Variants in SV2C observed in about 807,000 individuals in gnomAD.
SV2C encodes synaptic vesicle glycoprotein 2C, also known as solute carrier family 22 member B3.
Under a neutral mutation model 79.7 loss-of-function variants are expected in SV2C, and 49 were observed. That is an observed-to-expected ratio of 0.61 (90% CI 0.49 to 0.78). The LOEUF is 0.78. Ranked by LOEUF, SV2C falls within the 30% of genes least tolerant of loss-of-function variation. The pLI, the probability that SV2C is intolerant of heterozygous loss-of-function variation, is 0.00. For synonymous variants in SV2C, 334 were observed against 333.2 expected (o/e 1.00, Z -0.03); for missense variants, 833 against 912.9 (o/e 0.91, Z 1.13).
At chr5:76,075,316 C>T in the SV2C span, among the ~76,000 whole-genome samples, 1 of 152,154 alleles carries the variant, frequency 6.6e-6, no homozygotes, top group Non-Finnish European at 1.5e-5. Flanking sequence ...ATCTTCCCTG[C>T]AAATGTCATT....
At chr5:76,136,483 T>G (rs1302983130) in intron 2 of SV2C, among the ~76,000 whole-genome samples, 1 of 152,172 alleles carries the variant, frequency 6.6e-6, no homozygotes, top group Non-Finnish European at 1.5e-5. Flanking sequence ...TTTTTTTTGT[T>G]GTTACAATGT....
Position 76,325,703 on chromosome 5 carries a change from TG to T in SV2C, c.*157del. 7.6e-6 allele frequency: 8 copies of T among 1,057,410 alleles called. No individual in the cohort carries two copies. The highest frequency in any genetic ancestry group is 9.2e-6 in the Non-Finnish European group (7 of 759,236). 65.5% of individuals were successfully genotyped at this position (1,057,410 alleles called of 1,614,324 possible). A position where few individuals can be genotyped will look rare whatever the true frequency, so the allele number is the denominator to read the frequency against. ...CTTAAAATTTAGAAGCATATCATCTTGCCCCTTTGTGATTTTGCACAGGTTG... is the reference window on the plus strand; with the variant it reads ...CTTAAAATTTAGAAGCATATCATCTTCCCCTTTGTGATTTTGCACAGGTTG... On this transcript the variant is annotated 3_prime_UTR_variant, in exon 13 of 13. Coordinates refer to ENST00000502798, the MANE Select transcript of SV2C (RefSeq NM_014979.4).
At chr5:75,991,662 C>T in the SV2C span, among the ~76,000 whole-genome samples, 14 of 148,892 alleles carry the variant, frequency 9.4e-5, no homozygotes, top group Non-Finnish European at 5.9e-5. Context: ...GCAAAACCAT[C>T]AGATATATAT....
In SV2C at chr5:76,298,821, A is replaced by G. The variant is rs780011739; in HGVS notation, c.1530A>G (p.Val510=). The G allele has an allele frequency of 1.2e-5, 19 of 1,613,948 alleles. No homozygotes were observed. Among genetic ancestry groups the G allele is most frequent in the African/African-American group, 1.3e-5 (1 of 75,038 alleles). The change falls in exon 10 of 13, where the codon GTA becomes GTG. Residue 510 remains valine (V), a synonymous_variant. Coordinates refer to ENST00000502798, the MANE Select transcript of SV2C (RefSeq NM_014979.4). ...TCATAGGGGTCAAGTTCAAATCTGT[A>G]ACTTTCAAAGACTCTGTTTTTAAGT... is the stretch of plus-strand genomic sequence containing the variant. The part of the protein sequence containing the change: ...GRFIGVKFKS[V]TFKDSVFKSC...
At chr5:76,035,040 G>A in the SV2C span, among the ~76,000 whole-genome samples, 2 of 152,152 alleles carry the variant, frequency 1.3e-5, no homozygotes, top group Non-Finnish European at 2.9e-5. Flanking sequence ...TTGCGTAGAG[G>A]TGTTTGTAGT....
At chr5:76,095,018 C>T (rs142437563) in intron 1 of SV2C, among the ~76,000 whole-genome samples, 70 of 151,794 alleles carry the variant, frequency 4.6e-4, no homozygotes, top group Admixed American at 1.8e-3. Flanking sequence ...AAAATCTCAC[C>T]AAAAAGCCCA....
At chr5:76,291,661 T>A in intron 7 of SV2C, 107 bp from the exon 8 acceptor site, 1 of 745,894 alleles carries the variant, frequency 1.3e-6, no homozygotes, top group African/African-American at 1.8e-5. Flanking sequence ...GTGAAATGAA[T>A]CCAACCCAAT....
At chr5:76,001,173 G>C in the SV2C span, among the ~76,000 whole-genome samples, 1 of 152,156 alleles carries the variant, frequency 6.6e-6, no homozygotes. Context: ...GCTTGCTGGG[G>C]CCATAAGAAG....
At chr5:76,076,554 A>AT in the SV2C span, among the ~76,000 whole-genome samples, 816 of 151,290 alleles carry the variant, frequency 5.4e-3, 8 homozygotes, top group African/African-American at 0.018. Flanking sequence ...TATTTATGTG[A>AT]TTTTTTTTTG....
In SV2C at chr5:76,321,088, G is replaced by A. The variant is rs567770231; in HGVS notation, c.2001-4276G>A. 2.6e-5 allele frequency among the ~76,000 whole-genome samples: 4 copies of A among 152,292 alleles called. No homozygotes were observed. In the East Asian group the frequency reaches 7.7e-4, roughly 29 times the overall value. The stretch of plus-strand genomic sequence containing the variant: ...TTCCTTTCCCATGGTGCAGAAAGGA[G>A]GATGGTTGGATAATAACCACAATAA... On this transcript the variant is annotated intron_variant, in intron 12 of 12. Coordinates refer to ENST00000502798, the MANE Select transcript of SV2C (RefSeq NM_014979.4).
the SV2C span, among the ~76,000 whole-genome samples, chr5:76,074,837 A>G: frequency 2.6e-5 from 4 of 152,224 alleles, no homozygotes; most frequent in Non-Finnish European, 4.4e-5. Flanking sequence ...TAACTGTGCT[A>G]GAACCTTGGA....
intron 1 of SV2C, among the ~76,000 whole-genome samples, chr5:76,107,199 A>G (rs113581302): frequency 1.0e-3 from 158 of 152,372 alleles, no homozygotes; most frequent in African/African-American, 3.4e-3. Flanking sequence ...GGTGATTAAC[A>G]ACAAGTCAAA....
At chr5:76,339,185 C>T (rs954064174) in intron 12 of SV2C, among the ~76,000 whole-genome samples, 3 of 152,098 alleles carry the variant, frequency 2.0e-5, no homozygotes, top group African/African-American at 7.2e-5. Flanking sequence ...ACAATTTACG[C>T]ATTTTAAAAA....
At chr5:75,908,218 C>T in the SV2C span, among the ~76,000 whole-genome samples, 2 of 152,230 alleles carry the variant, frequency 1.3e-5, no homozygotes, top group African/African-American at 4.8e-5. Flanking sequence ...TAGGTGACAC[C>T]AATCTGCTTT....
chr5:75,967,058 G>A, the SV2C span, among the ~76,000 whole-genome samples: 2 of 152,094 alleles, frequency 1.3e-5, no homozygotes, highest in Non-Finnish European at 2.9e-5. Context: ...TTCGGGCCAG[G>A]CACAATTGCT....
chr5:76,071,765 G>A, the SV2C span, among the ~76,000 whole-genome samples: 1 of 152,230 alleles, frequency 6.6e-6, no homozygotes, highest in Non-Finnish European at 1.5e-5. Flanking sequence ...TAGAAAAGCT[G>A]AGTGTTAGAA....
rs1375893134 is a variant in SV2C, at chr5:76,174,299, C to T, written c.581-20620C>T. ...TCGCTACTCTAGGCGCCACGGCGGT[C>T]CTGCCGCTGCCGCGCCGCTCCGGCT... On this transcript the variant is annotated intron_variant, in intron 2 of 12. Coordinates refer to ENST00000502798, the MANE Select transcript of SV2C (RefSeq NM_014979.4). 32 of 961,076 alleles carry T rather than the reference C, an allele frequency of 3.3e-5. No homozygotes were observed. The Admixed American group carries it at 6.8e-4, about 20-fold the overall frequency. 59.5% of individuals were successfully genotyped at this position (961,076 alleles called of 1,614,324 possible).
At chr5:76,136,862 G>A (rs1422653505) in intron 2 of SV2C, among the ~76,000 whole-genome samples, 3 of 152,312 alleles carry the variant, frequency 2.0e-5, no homozygotes, top group East Asian at 3.9e-4. Flanking sequence ...TCTGTGGTAG[G>A]CGTAGTAGTG....
chr5:75,952,247 TTTCCTTCCTTCCTTCCTTCCTTCC>T, the SV2C span, among the ~76,000 whole-genome samples: 1 of 144,248 alleles, frequency 6.9e-6, no homozygotes, highest in Non-Finnish European at 1.5e-5. Flanking sequence ...TCTCCTGCAT[TTTCCTTCCTTCCTTCCTTCCTTCC>T]TTCCTTCCTT....
Sources: allele counts gnomAD v4.1 joint callset (sites outside exome capture counted in the v4.1 genomes callset), GRCh38; gene constraint gnomAD v4.1.1; transcripts MANE v1.5; gene names NCBI Gene and HGNC (gene_info 2026-07-23, HGNC 2026-07-21).